The following KCNK2 variants were observed in gnomAD, a reference collection of about 807,000 sequenced individuals.
The protein encoded by KCNK2 is potassium two pore domain channel subfamily K member 2.
In KCNK2, 21 loss-of-function variants were observed where a neutral mutation model predicts 40.5. The ratio of observed to expected loss-of-function variants is 0.52; its 90% confidence interval spans 0.37 to 0.75. The LOEUF (loss-of-function observed/expected upper bound fraction) is 0.75. Among genes scored for constraint, KCNK2 ranks in the 30% least tolerant of loss-of-function variants. KCNK2 has a pLI of 0.00. For synonymous variants in KCNK2, 191 were observed against 202.2 expected, an observed-to-expected ratio of 0.94 and a Z score of 0.47; for missense variants, 399 against 531.6, an observed-to-expected ratio of 0.75 and a Z score of 2.45.
At chr1:215,008,069 T>C (rs1181758187) in intron 1 of KCNK2, among the ~76,000 whole-genome samples, 1 of 151,852 alleles carries the variant, frequency 6.6e-6, no homozygotes, top group Admixed American at 6.6e-5. Context: ...TGCAAAATTC[T>C]GGGACCTTGA....
At chr1:215,063,893 C>A (rs1003402672) in intron 1 of KCNK2, among the ~76,000 whole-genome samples, 1 of 152,068 alleles carries the variant, frequency 6.6e-6, no homozygotes, top group Admixed American at 6.5e-5. Flanking sequence ...CAAAGGGAAA[C>A]CAAAATTAAC....
chr1:215,083,209 C>CCCCCCCCTCCCCCCCCCCCCT lies in KCNK2; in HGVS notation c.-177_-176insCCCCCCCTCCCCCCCCCCCCT. ...CTTCTCACGCTCCCCCCCCCGCCCC[C>CCCCCCCCTCCCCCCCCCCCCT]TCCCGCGTCCAGCCCCGCTCTCCCC... is the stretch of plus-strand genomic sequence containing the variant. On this transcript the variant is annotated 5_prime_UTR_variant, in exon 1 of 7. Coordinates refer to ENST00000444842, the MANE Select transcript of KCNK2 (RefSeq NM_001017425.3). 1 of 1,165,596 alleles carries CCCCCCCCTCCCCCCCCCCCCT rather than the reference C, an allele frequency of 8.6e-7. No individual in the cohort carries two copies. Among genetic ancestry groups the CCCCCCCCTCCCCCCCCCCCCT allele is most frequent in the Non-Finnish European group, 1.2e-6 (1 of 831,722 alleles). The allele number at this position is 1,165,596 out of a possible 1,614,324, so 72.2% of individuals were successfully genotyped here.
chr1:215,111,513 C>A (rs1251403920), intron 2 of KCNK2, among the ~76,000 whole-genome samples: 2 of 151,576 alleles, frequency 1.3e-5, no homozygotes, highest in Non-Finnish European at 2.9e-5. Context: ...CTGTTTTTTT[C>A]TTGTGCTTGA....
At chr1:215,011,800 G>T (rs1656401152) in intron 1 of KCNK2, among the ~76,000 whole-genome samples, 2 of 151,220 alleles carry the variant, frequency 1.3e-5, no homozygotes, top group South Asian at 2.1e-4. Flanking sequence ...TAGAGACGGG[G>T]TTTCACCATG....
At chr1:215,107,504 A>G (rs368187154) in intron 2 of KCNK2, among the ~76,000 whole-genome samples, 18 of 152,174 alleles carry the variant, frequency 1.2e-4, no homozygotes, top group African/African-American at 4.3e-4. Context: ...CATTATTGAC[A>G]ATATTTGTTA....
chr1:215,069,400 C>A (rs1658671203), intron 1 of KCNK2, among the ~76,000 whole-genome samples: 1 of 152,196 alleles, frequency 6.6e-6, no homozygotes, highest in Non-Finnish European at 1.5e-5. Context: ...TACCTGATTA[C>A]TTCCTGAATT....
At chr1:215,176,164 T>G (rs1663960023) in intron 5 of KCNK2, among the ~76,000 whole-genome samples, 1 of 152,110 alleles carries the variant, frequency 6.6e-6, no homozygotes. Flanking sequence ...TTATTATTTG[T>G]TGACTTTTTA....
chr1:215,143,950 A>T (rs1662299299), intron 3 of KCNK2, among the ~76,000 whole-genome samples: 1 of 152,190 alleles, frequency 6.6e-6, no homozygotes, highest in Non-Finnish European at 1.5e-5. Flanking sequence ...GTCTACAAGT[A>T]ATTTGCAAGA....
intron 1 of KCNK2, among the ~76,000 whole-genome samples, chr1:215,067,674 G>A (rs1658604880): frequency 6.6e-6 from 1 of 152,010 alleles, no homozygotes; most frequent in Non-Finnish European, 1.5e-5. Flanking sequence ...GACCAGTCTG[G>A]CCAACATGGT....
intron 1 of KCNK2, among the ~76,000 whole-genome samples, chr1:215,007,087 GTATATATA>G (rs201749435): frequency 8.3e-6 from 1 of 120,492 alleles, no homozygotes; most frequent in African/African-American, 3.4e-5. Flanking sequence ...ATATATGTGT[GTATATATA>G]TATGTATATA....
At chr1:215,121,729 C>T (rs568105882) in intron 2 of KCNK2, among the ~76,000 whole-genome samples, 86 of 152,238 alleles carry the variant, frequency 5.6e-4, no homozygotes, top group Non-Finnish European at 9.0e-4. Flanking sequence ...TATTAAAATA[C>T]ACCTGTTTTC....
chr1:215,006,774 T>C (rs1267480833), intron 1 of KCNK2, among the ~76,000 whole-genome samples: 1 of 151,902 alleles, frequency 6.6e-6, no homozygotes, highest in Non-Finnish European at 1.5e-5. Context: ...GTAATCATTT[T>C]ACAGCAGGGT....
Position 215,234,995 on chromosome 1 carries a change from G to A in KCNK2, c.1131G>A (p.Leu377=), listed in dbSNP as rs1270293217. The A allele has an allele frequency of 1.2e-6, 2 of 1,613,866 alleles. No individual in the cohort carries two copies. The highest frequency in any genetic ancestry group is 1.7e-6 in the Non-Finnish European group (2 of 1,179,998). Reference sequence around the variant, plus strand: ...TGGCTGGAAACCACAATCAGGAGCTGACTCCTTGTAGGAGGACCCTGTCAG... The same window carrying A: ...TGGCTGGAAACCACAATCAGGAGCTAACTCCTTGTAGGAGGACCCTGTCAG... ...AELAGNHNQE[L]TPCRRTLSVN... The change falls in exon 7 of 7, where the codon CTG becomes CTA. Residue 377 remains leucine (L), a synonymous_variant. Coordinates refer to ENST00000444842, the MANE Select transcript of KCNK2 (RefSeq NM_001017425.3).
At position 215,083,255 on chromosome 1, in the gene KCNK2, G is replaced by A. The variant is rs1212158203; in HGVS notation, c.-131G>A. ...TCCCCACCTTGTAAAACAAAGCCGG[G>A]GAAAATGCCTGCCCGTGCAGCTCGG... On this transcript the variant is annotated 5_prime_UTR_variant, in exon 1 of 7. Transcript: ENST00000444842. 6.2e-7 allele frequency: 1 copy of A among 1,611,188 alleles called. No homozygotes were observed. The highest frequency in any genetic ancestry group is 1.3e-5 in the African/African-American group (1 of 74,438).
intron 6 of KCNK2, among the ~76,000 whole-genome samples, chr1:215,228,680 T>G (rs561879264): frequency 6.6e-6 from 1 of 152,302 alleles, no homozygotes; most frequent in East Asian, 1.9e-4. Context: ...ATTAAGTTGC[T>G]GAAATATTTT....
intron 1 of KCNK2, among the ~76,000 whole-genome samples, chr1:215,072,840 G>T (rs1249968213): frequency 2.0e-5 from 3 of 152,098 alleles, no homozygotes; most frequent in Non-Finnish European, 2.9e-5. Context: ...ATTTGTTTTG[G>T]TCTTATAGGC....
Position 215,025,521 on chromosome 1 carries a change from T to A in KCNK2, c.34+19566T>A, listed in dbSNP as rs1656973084. On this transcript the variant is annotated intron_variant, in intron 1 of 6. Transcript: ENST00000391895. ...AACCCCCTTAACTAGTGTGGACTAA[T>A]ATGTATTATTCTGCATTATTTCAAA... Among the ~76,000 whole-genome samples the A allele has an allele frequency of 3.3e-5, 5 of 152,136 alleles. No homozygotes were observed. The South Asian group carries it at 1.0e-3, about 31-fold the overall frequency.
intron 3 of KCNK2, among the ~76,000 whole-genome samples, chr1:215,128,356 A>G (rs1185991068): frequency 6.6e-6 from 1 of 152,194 alleles, no homozygotes; most frequent in Non-Finnish European, 1.5e-5. Flanking sequence ...TCATCCTCAG[A>G]ATCATTTTAA....
intron 5 of KCNK2, among the ~76,000 whole-genome samples, chr1:215,173,346 C>T (rs1323529153): frequency 1.3e-5 from 2 of 152,188 alleles, no homozygotes; most frequent in Non-Finnish European, 2.9e-5. Context: ...ATATGTGCCA[C>T]ATTTTCTTAA....
Sources: gnomAD v4.1 joint callset for allele counts (sites outside exome capture counted in the v4.1 genomes callset) on GRCh38, gnomAD v4.1.1 for gene constraint, MANE v1.5 for transcripts, NCBI Gene and HGNC (gene_info 2026-07-23, HGNC 2026-07-21) for gene names.